Variants in DLG2 observed in about 807,000 individuals in gnomAD.
DLG2 encodes the protein disks large homolog 2.
In DLG2, 45 loss-of-function variants were observed where a neutral mutation model predicts 132.5. That is an observed-to-expected ratio of 0.34 (90% CI 0.27 to 0.44). The LOEUF is 0.44. Among genes scored for constraint, DLG2 ranks in the 20% least tolerant of loss-of-function variants. The pLI is 1.00. For synonymous variants in DLG2, 424 were observed against 419.6 expected, an observed-to-expected ratio of 1.01 and a Z score of -0.13; for missense variants, 1,045 against 1,196.9, an observed-to-expected ratio of 0.87 and a Z score of 1.87.
intron 7 of DLG2, among the ~76,000 whole-genome samples, chr11:84,382,529 G>A (rs556397656): frequency 2.6e-5 from 4 of 152,230 alleles, no homozygotes; most frequent in Admixed American, 2.6e-4. Context: ...GGGGCTCCTG[G>A]CCTTTGTCTA....
At chr11:84,395,534 C>T (rs543222652) in intron 7 of DLG2, among the ~76,000 whole-genome samples, 89 of 152,262 alleles carry the variant, frequency 5.8e-4, no homozygotes, top group South Asian at 5.8e-3. Context: ...CTCCCACCTC[C>T]AGCCTCTTGA....
At chr11:85,199,243 A>G (rs867565776) in intron 4 of DLG2, among the ~76,000 whole-genome samples, 23 of 152,350 alleles carry the variant, frequency 1.5e-4, no homozygotes, top group Admixed American at 2.6e-4. Context: ...TAATGCATAC[A>G]AAAACATGGA....
chr11:83,810,098 T>C (rs2046887647), intron 17 of DLG2, among the ~76,000 whole-genome samples: 2 of 152,150 alleles, frequency 1.3e-5, no homozygotes, highest in African/African-American at 2.4e-5. Flanking sequence ...ATCTGTTGTA[T>C]GAATACAAAT....
At chr11:84,034,677 A>G (rs2095812326) in intron 11 of DLG2, among the ~76,000 whole-genome samples, 1 of 152,168 alleles carries the variant, frequency 6.6e-6, no homozygotes, top group Admixed American at 6.5e-5. Context: ...GTAAATTTGC[A>G]TCCAGTGGAC....
At chr11:84,473,632 G>GA (rs1404164523) in intron 7 of DLG2, among the ~76,000 whole-genome samples, 1 of 151,508 alleles carries the variant, frequency 6.6e-6, no homozygotes, top group Non-Finnish European at 1.5e-5. Context: ...AGAGGTAATT[G>GA]AAAAAAAATC....
chr11:85,109,836 C>T (rs534230885), intron 6 of DLG2, among the ~76,000 whole-genome samples: 5 of 152,016 alleles, frequency 3.3e-5, no homozygotes, highest in Admixed American at 1.3e-4. Context: ...ATGGTATTCT[C>T]TTAGGAGAAA....
Position 84,070,570 on chromosome 11 carries a change from T to C in DLG2, c.750-11086A>G, listed in dbSNP as rs149593058. The stretch of plus-strand genomic sequence containing the variant: ...CTCAAATCTACTCCAATCCCAGAAA[T>C]AGATGTAGATCAACATATATGGAAT... On this transcript the variant is annotated intron_variant, in intron 10 of 27. Coordinates refer to ENST00000376104, the MANE Select transcript of DLG2 (RefSeq NM_001142699.3). 6.9e-4 allele frequency among the ~76,000 whole-genome samples: 105 copies of C among 152,330 alleles called. 4 individuals carry two copies. In the Middle Eastern group the frequency reaches 0.044, roughly 64 times the overall value.
chr11:83,573,271 C>G (rs144424607), intron 19 of DLG2, among the ~76,000 whole-genome samples: 20 of 152,112 alleles, frequency 1.3e-4, no homozygotes, highest in Non-Finnish European at 2.5e-4. Context: ...TAGTCTCCAA[C>G]TGAAGTCAGA....
At chr11:84,608,988 C>A (rs975907936) in intron 6 of DLG2, among the ~76,000 whole-genome samples, 1 of 152,144 alleles carries the variant, frequency 6.6e-6, no homozygotes, top group Admixed American at 6.6e-5. Flanking sequence ...AGTGGCAGAA[C>A]CTGAATTGAA....
chr11:85,114,219 T>C (rs2073202823), intron 5 of DLG2, among the ~76,000 whole-genome samples: 2 of 152,102 alleles, frequency 1.3e-5, no homozygotes, highest in South Asian at 4.1e-4. Flanking sequence ...CACTGTGGCA[T>C]AACAGAGTTT....
chr11:85,238,200 TTTTATTTTATTTATTTA>T (rs1565199575), intron 4 of DLG2, among the ~76,000 whole-genome samples: 1 of 141,880 alleles, frequency 7.0e-6, no homozygotes, highest in African/African-American at 2.6e-5. Flanking sequence ...TATTTTTTAT[TTTTATTTTATTTATTTA>T]TTTATTTATT....
chr11:83,837,737 A>AAAAAAAAAAAAAAAAC, intron 16 of DLG2, among the ~76,000 whole-genome samples: 1 of 150,080 alleles, frequency 6.7e-6, no homozygotes, highest in Non-Finnish European at 1.5e-5. Flanking sequence ...AAAAAAAAAA[A>AAAAAAAAAAAAAAAAC]AAAAAAAAAA....
At chr11:83,909,891 C>T (rs536461622) in intron 15 of DLG2, among the ~76,000 whole-genome samples, 13 of 152,136 alleles carry the variant, frequency 8.5e-5, no homozygotes, top group Non-Finnish European at 1.3e-4. Context: ...GAAGACTCTT[C>T]CTCTACTCCA....
At position 84,315,650 on chromosome 11, in the gene DLG2, A is replaced by C. The variant is rs1000936500; in HGVS notation, c.520-64359T>G. On this transcript the variant is annotated intron_variant, in intron 7 of 27. Transcript: ENST00000376104. ...TATTTTAAGCCAAACCAGTTTAATA[A>C]TAAAATGGTAATGTATTTTTTATTT... Among the ~76,000 whole-genome samples the C allele has an allele frequency of 1.1e-4, 17 of 152,300 alleles. 1 individual carries two copies. In the East Asian group the frequency reaches 2.5e-3, roughly 22 times the overall value.
intron 10 of DLG2, among the ~76,000 whole-genome samples, chr11:84,090,414 C>CAAAAAAAA (rs397848695): frequency 5.1e-5 from 4 of 78,598 alleles, no homozygotes; most frequent in Admixed American, 1.6e-4. Flanking sequence ...GATTTCATCT[C>CAAAAAAAA]AAAAAAAAAA....
intron 3 of DLG2, among the ~76,000 whole-genome samples, chr11:85,306,000 G>A (rs1172975560): frequency 3.3e-5 from 5 of 152,202 alleles, no homozygotes; most frequent in Admixed American, 2.0e-4. Context: ...ACTTGGGTTT[G>A]AGTCCCAGCT....
At chr11:84,052,502 G>GA (rs1267299525) in intron 11 of DLG2, among the ~76,000 whole-genome samples, 2 of 150,278 alleles carry the variant, frequency 1.3e-5, no homozygotes, top group African/African-American at 4.9e-5. Flanking sequence ...AAATTTACAA[G>GA]AAAAAAAACA....
At chr11:85,041,711 G>A (rs2061883773) in intron 6 of DLG2, among the ~76,000 whole-genome samples, 1 of 151,966 alleles carries the variant, frequency 6.6e-6, no homozygotes, top group Admixed American at 6.6e-5. Context: ...ATATTCAGCT[G>A]TACATTTGGA....
chr11:84,078,866 A>G (rs1317631783), intron 10 of DLG2, among the ~76,000 whole-genome samples: 1 of 152,028 alleles, frequency 6.6e-6, no homozygotes, highest in Non-Finnish European at 1.5e-5. Context: ...TCCACGTTCA[A>G]CTGCCTATTT....
Sources: gnomAD v4.1 joint callset for allele counts (sites outside exome capture counted in the v4.1 genomes callset) on GRCh38, gnomAD v4.1.1 for gene constraint, MANE v1.5 for transcripts, NCBI Gene and HGNC (gene_info 2026-07-23, HGNC 2026-07-21) for gene names.